ASB4: variants seen among roughly 807,000 people sequenced by gnomAD.
The protein encoded by ASB4 is ankyrin repeat and SOCS box protein 4.
In ASB4, 35 loss-of-function variants were observed where a neutral mutation model predicts 38.6. That is an observed-to-expected ratio of 0.91 (90% confidence interval 0.69 to 1.20). ASB4 has a LOEUF of 1.20. Among genes scored for constraint, ASB4 ranks in the 50% most tolerant of loss-of-function variants. The pLI, the probability that ASB4 is intolerant of heterozygous loss-of-function variation, is 0.00. For missense variants in ASB4, 557 were observed against 527.2 expected, an observed-to-expected ratio of 1.06 and a Z score of -0.55; for synonymous variants, 195 against 201.3, an observed-to-expected ratio of 0.97 and a Z score of 0.26.
intron 2 of ASB4, among the ~76,000 whole-genome samples, chr7:95,513,293 ATGTGTGTGTGTGTG>A (rs3046862): frequency 3.7e-4 from 33 of 89,230 alleles, no homozygotes; most frequent in Admixed American, 2.1e-3. Context: ...AGCCAATAGA[ATGTGTGTGTGTGTG>A]TGTGTGTGTG....
At chr7:95,506,256 T>C (rs193263491) in intron 2 of ASB4, among the ~76,000 whole-genome samples, 1 of 152,314 alleles carries the variant, frequency 6.6e-6, no homozygotes, top group Non-Finnish European at 1.5e-5. Flanking sequence ...TTATCAATGT[T>C]ATTTTCTTGA....
At chr7:95,522,971 GC>G (rs1290496341) in intron 2 of ASB4, among the ~76,000 whole-genome samples, 1 of 152,050 alleles carries the variant, frequency 6.6e-6, no homozygotes, top group Non-Finnish European at 1.5e-5. Context: ...AATGTACTCT[GC>G]CCACTTAGAA....
chr7:95,476,400 A>G (rs1364471042), upstream of ASB4, among the ~76,000 whole-genome samples: 1 of 152,200 alleles, frequency 6.6e-6, no homozygotes, highest in African/African-American at 2.4e-5. Context: ...TTATATTTAA[A>G]AAAAAATTTA....
upstream of ASB4, among the ~76,000 whole-genome samples, chr7:95,483,606 T>C (rs1741766693): frequency 6.6e-6 from 1 of 152,208 alleles, no homozygotes; most frequent in South Asian, 2.1e-4. Flanking sequence ...ATTATTTTTG[T>C]ATGAAATTTA....
At chr7:95,501,984 C>T (rs1426379195) in intron 2 of ASB4, among the ~76,000 whole-genome samples, 1 of 152,062 alleles carries the variant, frequency 6.6e-6, no homozygotes, top group Non-Finnish European at 1.5e-5. Context: ...TGTTCAACTT[C>T]AGAAGGGCAA....
intron 2 of ASB4, among the ~76,000 whole-genome samples, chr7:95,522,485 A>T (rs998847230): frequency 2.0e-5 from 3 of 152,170 alleles, no homozygotes; most frequent in Non-Finnish European, 2.9e-5. Flanking sequence ...TAGTTTATTT[A>T]TATTATTTGT....
At chr7:95,525,968 T>C (rs1790731026) in intron 2 of ASB4, among the ~76,000 whole-genome samples, 1 of 152,206 alleles carries the variant, frequency 6.6e-6, no homozygotes, top group African/African-American at 2.4e-5. Flanking sequence ...CTCAAATATG[T>C]TCCATATGAT....
rs1790239438 is a variant in ASB4 at position 95,495,881 on chromosome 7, G to C, written c.311G>C (p.Arg104Thr). Residue 104 changes from arginine to threonine, a missense_variant, in exon 2 of 5, where the codon AGA becomes ACA. Coordinates refer to ENST00000325885, the MANE Select transcript of ASB4 (RefSeq NM_016116.3). ...LLDHNATINC[R>T]PNGKTPLHVA... ...GACCACAATGCTACAATCAACTGTA[G>C]ACCCAATGGGAAAACCCCTCTTCAC... The C allele has an allele frequency of 6.2e-7, 1 of 1,613,920 alleles. No homozygotes were observed. The highest frequency in any genetic ancestry group is 1.3e-5 in the African/African-American group (1 of 74,838).
chr7:95,476,397 T>A (rs535179102), upstream of ASB4, among the ~76,000 whole-genome samples: 5 of 151,908 alleles, frequency 3.3e-5, no homozygotes, highest in South Asian at 1.0e-3. Context: ...TTTTTATATT[T>A]AAAAAAAAAT....
chr7:95,519,991 T>C (rs1287739042), intron 2 of ASB4, among the ~76,000 whole-genome samples: 3 of 152,226 alleles, frequency 2.0e-5, no homozygotes, highest in African/African-American at 7.2e-5. Context: ...AAAAAAAATC[T>C]TCATCTAAAA....
the ASB4 span, among the ~76,000 whole-genome samples, chr7:95,551,022 G>T: frequency 6.6e-6 from 1 of 152,032 alleles, no homozygotes; most frequent in African/African-American, 2.4e-5. Flanking sequence ...CTTTTGTCAC[G>T]CAGGCTGGAG....
chr7:95,510,691 CAGCCTTCTTTCCCACCTGTT>C (rs1562815564), intron 2 of ASB4, among the ~76,000 whole-genome samples: 2 of 152,186 alleles, frequency 1.3e-5, no homozygotes, highest in African/African-American at 2.4e-5. Context: ...GTAGTAATCA[CAGCCTTCTTTCCCACCTGTT>C]AGCATTACAG....
intron 1 of ASB4, among the ~76,000 whole-genome samples, chr7:95,479,487 G>A (rs1419237445): frequency 1.3e-5 from 2 of 152,158 alleles, no homozygotes; most frequent in African/African-American, 2.4e-5. Context: ...GTACTAGCTT[G>A]CTGGCTCTTT....
chr7:95,486,038 G>A lies in ASB4; in HGVS notation c.67G>A (p.Glu23Lys). Residue 23 changes from glutamate to lysine, a missense_variant, in exon 1 of 5, where the codon GAG becomes AAG. Transcript: ENST00000325885. ...AAKLVKRNFL[E>K]ALKSNDFGKL... ...CAAGTTAGTTAAGAGAAATTTCCTTGAGGCGCTAAAGTCCAATGACTTCGG... is the reference window on the plus strand; with the variant it reads ...CAAGTTAGTTAAGAGAAATTTCCTTAAGGCGCTAAAGTCCAATGACTTCGG... 6.2e-7 allele frequency: 1 copy of A among 1,614,136 alleles called. No homozygotes were observed. Among genetic ancestry groups the A allele is most frequent in the Non-Finnish European group, 8.5e-7 (1 of 1,180,014 alleles).
intron 2 of ASB4, among the ~76,000 whole-genome samples, chr7:95,515,769 T>C (rs907434329): frequency 7.2e-5 from 11 of 152,202 alleles, no homozygotes; most frequent in Non-Finnish European, 1.3e-4. Flanking sequence ...GTATTCCCCC[T>C]GGACTAAAGG....
At chr7:95,482,385 A>C (rs570208350), upstream of ASB4, among the ~76,000 whole-genome samples, 9 of 152,296 alleles carry the variant, frequency 5.9e-5, no homozygotes, top group South Asian at 1.9e-3. Context: ...AATGCTTTAA[A>C]ATTTCATTCT....
intron 2 of ASB4, among the ~76,000 whole-genome samples, chr7:95,499,781 A>C (rs1274106542): frequency 6.6e-6 from 1 of 152,044 alleles, no homozygotes; most frequent in African/African-American, 2.4e-5. Context: ...GAAAGAAAAC[A>C]GCTGAAGATG....
intron 2 of ASB4, among the ~76,000 whole-genome samples, chr7:95,513,921 A>G (rs1446454028): frequency 3.3e-5 from 5 of 152,320 alleles, no homozygotes. Context: ...TAATTCTGCC[A>G]TCATCCACGA....
upstream of ASB4, chr7:95,474,084 G>A (rs189829361): frequency 2.0e-3 from 310 of 152,182 alleles, 1 homozygote; most frequent in African/African-American, 7.0e-3. Flanking sequence ...TAAAAGTTGG[G>A]GCGCACCCTT....
Sources: gnomAD v4.1 joint callset for allele counts (sites outside exome capture counted in the v4.1 genomes callset) on GRCh38, gnomAD v4.1.1 for gene constraint, MANE v1.5 for transcripts, NCBI Gene and HGNC (gene_info 2026-07-23, HGNC 2026-07-21) for gene names.